The following PTPRU variants were observed in gnomAD, a reference collection of about 807,000 sequenced individuals.
The protein encoded by PTPRU is protein tyrosine phosphatase receptor type U, also known as receptor-type tyrosine-protein phosphatase U.
PTPRU carries 69 observed loss-of-function variants against 166.3 expected under a neutral mutation model. The observed-to-expected ratio is 0.41, with a 90% confidence interval of 0.34 to 0.51. PTPRU has a LOEUF of 0.51. Among genes scored for constraint, PTPRU ranks in the 20% least tolerant of loss-of-function variants. The pLI, the probability that PTPRU is intolerant of heterozygous loss-of-function variation, is 0.09. For missense variants in PTPRU, 1,657 were observed against 2,013.7 expected, an observed-to-expected ratio of 0.82 and a Z score of 3.39; for synonymous variants, 793 against 814.0, an observed-to-expected ratio of 0.97 and a Z score of 0.44.
At chr1:29,267,531 C>A (rs1040395066) in intron 7 of PTPRU, among the ~76,000 whole-genome samples, 2 of 152,088 alleles carry the variant, frequency 1.3e-5, no homozygotes, top group African/African-American at 4.8e-5. Context: ...TGGGGGCTTG[C>A]TGGGGGAAGC....
At position 29,269,246 on chromosome 1, in the gene PTPRU, A is replaced by ATAT. The variant is rs1266094646; in HGVS notation, c.1145-6201_1145-6200insATT. Among the ~76,000 whole-genome samples, 22 of 20,592 alleles carry ATAT rather than the reference A, an allele frequency of 1.1e-3. 1 individual carries two copies. Among genetic ancestry groups the ATAT allele is most frequent in the South Asian group, 5.2e-3 (2 of 388 alleles). The allele number at this position is 20,592 out of a possible 152,430, so 13.5% of individuals were successfully genotyped here. Reference sequence around the variant, plus strand: ...TATATATATATATATATATATATATATTTTTTTTTTTTTTTTTTTTTTTTT... The same window carrying ATAT: ...TATATATATATATATATATATATATATATTTTTTTTTTTTTTTTTTTTTTTTTT... On this transcript the variant is annotated intron_variant, in intron 7 of 29. Coordinates refer to ENST00000373779, the MANE Select transcript of PTPRU (RefSeq NM_133178.4).
intron 7 of PTPRU, among the ~76,000 whole-genome samples, chr1:29,269,602 T>C (rs1056155543): frequency 6.6e-6 from 1 of 152,110 alleles, no homozygotes; most frequent in African/African-American, 2.4e-5. Context: ...GGCCCCTCCC[T>C]GCTTAGGCGC....
intron 17 of PTPRU, 146 bp from the exon 18 acceptor site, chr1:29,305,206 C>T (rs1403438635): frequency 1.4e-6 from 1 of 736,550 alleles, no homozygotes; most frequent in South Asian, 1.7e-5. Flanking sequence ...TCCCATGGTG[C>T]CCAGAGACTA....
chr1:29,298,530 C>G (rs555099215), intron 15 of PTPRU, among the ~76,000 whole-genome samples: 1 of 152,288 alleles, frequency 6.6e-6, no homozygotes, highest in East Asian at 1.9e-4. Flanking sequence ...AAAAAGCCAG[C>G]TGGAACCTTC....
chr1:29,300,875 T>G (rs1687103206), intron 15 of PTPRU, among the ~76,000 whole-genome samples: 1 of 152,224 alleles, frequency 6.6e-6, no homozygotes, highest in East Asian at 1.9e-4. Flanking sequence ...CTGGTGATCC[T>G]GCATTCATTC....
intron 15 of PTPRU, among the ~76,000 whole-genome samples, chr1:29,293,675 C>T (rs969037424): frequency 7.9e-5 from 12 of 151,578 alleles, no homozygotes; most frequent in South Asian, 2.1e-4. Flanking sequence ...GGGATTTCAC[C>T]GTGTTAGCCA....
rs1574725058 is a variant in PTPRU, at chr1:29,317,787, T to C, written c.3553T>C (p.Cys1185Arg). ...CACCCCGCCGCTGGACGTGGAGGAG[T>C]GCAGCATCGCCCTGTTGCCCCGGAA... is the stretch of plus-strand genomic sequence containing the variant. ...SVTPPLDVEE[C>R]SIALLPRNRD... is the part of the protein sequence containing the mutation. Residue 1185 changes from cysteine (C) to arginine (R), a missense_variant, in exon 25 of 30, where the codon TGC becomes CGC. Physicochemically the swap from Cys to Arg is radical, Grantham distance 180. This residue lies in a region of PTPRU where 1,190 missense variants were observed against 1,477.4 expected (regional missense o/e 0.81). Coordinates refer to ENST00000373779, the MANE Select transcript of PTPRU (RefSeq NM_133178.4). The surrounding 1 kb of genome is among the most constrained non-coding windows in gnomAD (Gnocchi z 5.6). 1 of 1,612,406 alleles carries C rather than the reference T, an allele frequency of 6.2e-7. No individual in the cohort carries two copies. The highest frequency in any genetic ancestry group is 8.5e-7 in the Non-Finnish European group (1 of 1,179,968).
At chr1:29,240,899 G>A (rs767006400) in intron 1 of PTPRU, among the ~76,000 whole-genome samples, 17 of 151,988 alleles carry the variant, frequency 1.1e-4, no homozygotes, top group African/African-American at 4.1e-4. Flanking sequence ...TGGGGTCACA[G>A]CCTCTGTTCT....
chr1:29,278,307 T>G (rs1286107413), intron 8 of PTPRU, among the ~76,000 whole-genome samples: 2 of 152,212 alleles, frequency 1.3e-5, no homozygotes, highest in Non-Finnish European at 2.9e-5. Flanking sequence ...CTTTACTTTC[T>G]GCTTTTCTCT....
chr1:29,277,357 C>T (rs1685852225), intron 8 of PTPRU, among the ~76,000 whole-genome samples: 1 of 152,084 alleles, frequency 6.6e-6, no homozygotes, highest in Admixed American at 6.6e-5. Context: ...CACCTTGGCC[C>T]TGCAAAGTGC....
rs1215024086 is a variant in PTPRU, at chr1:29,284,883, G to A, written c.2318+14G>A. 6.3e-7 allele frequency: 1 copy of A among 1,599,874 alleles called. No homozygotes were observed. Among genetic ancestry groups the A allele is most frequent in the Admixed American group, 1.7e-5 (1 of 59,114 alleles). On this transcript the variant is annotated intron_variant, in intron 14 of 29. Transcript: ENST00000373779. ...CATCCGCAAAGGGTGAGTGAGGCCG[G>A]TGCCCTGTCCCACCAGTGGCTTCTA...
chr1:29,264,397 C>T (rs1685197006), intron 7 of PTPRU, among the ~76,000 whole-genome samples: 1 of 151,982 alleles, frequency 6.6e-6, no homozygotes, highest in Non-Finnish European at 1.5e-5. Flanking sequence ...TGAAGATTTA[C>T]TCCTGTGTTT....
rs578011109 is a variant in PTPRU at position 29,308,733 on chromosome 1, A to G, written c.2821-2011A>G. ...TTGTCTCCTTTTTCTTTTAAAAAAT[A>G]TATTTCTTGGCTGGGTGCAGTGGCT... On this transcript the variant is annotated intron_variant, in intron 18 of 29. Coordinates refer to ENST00000373779, the MANE Select transcript of PTPRU (RefSeq NM_133178.4). 1.6e-4 allele frequency among the ~76,000 whole-genome samples: 24 copies of G among 152,012 alleles called. 2 individuals carry two copies. In the South Asian group the frequency reaches 4.4e-3, roughly 28 times the overall value.
chr1:29,325,653 T>C lies in PTPRU; in HGVS notation c.4303T>C (p.Ser1435Pro), dbSNP rs767662583. Residue 1435 changes from serine to proline, a missense_variant, in exon 30 of 30, where the codon TCA becomes CCA. By Grantham distance (74) the Ser-to-Pro change is moderately conservative (BLOSUM62 -1). Transcript: ENST00000373779. The part of the protein sequence containing the change: ...VALEYLEGLE[S>P]R The stretch of plus-strand genomic sequence containing the variant: ...CCTGGAGTACTTGGAGGGGCTGGAG[T>C]CAAGATAGCGGGGCCCTGGCCTGGG... 2 of 1,608,048 alleles carry C rather than the reference T, an allele frequency of 1.2e-6. No individual in the cohort carries two copies. The highest frequency in any genetic ancestry group is 2.7e-5 in the African/African-American group (2 of 74,858).
chr1:29,323,562 T>A, intron 27 of PTPRU, 66 bp downstream of exon 27: 2 of 1,611,300 alleles, frequency 1.2e-6, no homozygotes, highest in Admixed American at 3.3e-5. Flanking sequence ...TTAATGACCC[T>A]CTGTGTCATC....
At chr1:29,240,076 C>A (rs1167545237) in intron 1 of PTPRU, among the ~76,000 whole-genome samples, 1 of 152,166 alleles carries the variant, frequency 6.6e-6, no homozygotes, top group Admixed American at 6.5e-5. Flanking sequence ...GCTGTCTCCT[C>A]TCTGGGCCTT....
At chr1:29,295,495 CA>C (rs2151959502) in intron 15 of PTPRU, among the ~76,000 whole-genome samples, 1 of 152,246 alleles carries the variant, frequency 6.6e-6, no homozygotes, top group East Asian at 1.9e-4. Context: ...TATATTGCCC[CA>C]TTTATTTAGG....
chr1:29,261,124 A>T (rs1685046603), intron 7 of PTPRU, among the ~76,000 whole-genome samples: 2 of 152,238 alleles, frequency 1.3e-5, no homozygotes. Context: ...CCATATTTAT[A>T]GATTTAAAAC....
Position 29,312,655 on chromosome 1 carries a change from G to A in PTPRU, c.3176G>A (p.Arg1059His), listed in dbSNP as rs774688307. The A allele has an allele frequency of 6.8e-6, 11 of 1,611,682 alleles. No homozygotes were observed. Among genetic ancestry groups the A allele is most frequent in the Admixed American group, 5.0e-5 (3 of 59,992 alleles). The change falls in exon 22 of 30, where the codon CGC becomes CAC. Residue 1059 changes from arginine to histidine, a missense_variant. Arg to His is a conservative substitution (Grantham distance 29). This residue lies in a region of PTPRU where 1,190 missense variants were observed against 1,477.4 expected (regional missense o/e 0.81). Transcript: ENST00000373779. The stretch of plus-strand genomic sequence containing the variant: ...ACGGGGCTGCTGGCTTTCATCCGGC[G>A]CGTGAAGGCCTCCACCCCACCTGAT... ...HATGLLAFIR[R>H]VKASTPPDAG...
Sources: allele counts gnomAD v4.1 joint callset (sites outside exome capture counted in the v4.1 genomes callset), GRCh38; gene constraint gnomAD v4.1.1; regional missense constraint gnomAD v4.1.1; non-coding constraint Gnocchi (gnomAD v3.1); transcripts MANE v1.5; gene names NCBI Gene and HGNC (gene_info 2026-07-23, HGNC 2026-07-21).